CENPK: variants seen among roughly 807,000 people sequenced by gnomAD.
The protein encoded by CENPK is SoxLZ/Sox6-binding protein Solt.
In CENPK, 46 loss-of-function variants were observed where a neutral mutation model predicts 40.9. That is an observed-to-expected ratio of 1.13 (90% CI 0.89 to 1.44). The LOEUF (loss-of-function observed/expected upper bound fraction) is 1.44, where lower values mean the gene tolerates loss of function less well. CENPK is among the 40% of genes most tolerant of loss of function. The pLI is 0.00. For synonymous variants in CENPK, 107 were observed against 104.4 expected, an observed-to-expected ratio of 1.02 and a Z score of -0.15; for missense variants, 288 against 303.5, an observed-to-expected ratio of 0.95 and a Z score of 0.38.
In CENPK at chr5:65,551,586, TTGAC is replaced by T. The variant is rs762598205; in HGVS notation, c.215_218del (p.Ser72AsnfsTer12). On this transcript the variant is annotated frameshift_variant, in exon 5 of 11. Transcript: ENST00000396679. LOFTEE classifies it high-confidence loss of function. The stretch of plus-strand genomic sequence containing the variant: ...TACTTTCAGGTGTTTTTTTCTGCCA[TTGAC>T]TGAGTTCAGCGGTTAAACATTTTAC... The T allele has an allele frequency of 2.1e-5, 33 of 1,573,308 alleles. No homozygotes were observed. The South Asian group carries it at 3.1e-4, about 15-fold the overall frequency.
At chr5:65,519,439 T>G (rs1369323818) in intron 10 of CENPK, among the ~76,000 whole-genome samples, 1 of 152,210 alleles carries the variant, frequency 6.6e-6, no homozygotes, top group African/African-American at 2.4e-5. Context: ...TTATTTTGCC[T>G]CCTCAGCTAT....
At chr5:65,532,548 T>G (rs1040129566) in intron 6 of CENPK, among the ~76,000 whole-genome samples, 5 of 152,082 alleles carry the variant, frequency 3.3e-5, no homozygotes, top group Non-Finnish European at 7.4e-5. Context: ...AAGATTAATA[T>G]AGTATGGCAA....
At chr5:65,508,289 A>G in the CENPK span, among the ~76,000 whole-genome samples, 1 of 152,206 alleles carries the variant, frequency 6.6e-6, no homozygotes, top group Non-Finnish European at 1.5e-5. Context: ...GTATTTGCCT[A>G]AAGACAACTT....
At chr5:65,525,514 G>A (rs937522732) in intron 9 of CENPK, among the ~76,000 whole-genome samples, 3 of 152,056 alleles carry the variant, frequency 2.0e-5, no homozygotes, top group South Asian at 4.1e-4. Context: ...AACATTAATT[G>A]TGATGTTCAC....
chr5:65,518,211 G>C lies in CENPK; in HGVS notation c.*264C>G, dbSNP rs1030344060. 9.8e-6 allele frequency: 3 copies of C among 305,214 alleles called. No individual in the cohort carries two copies. The highest frequency in any genetic ancestry group is 5.1e-5 in the Admixed American group (1 of 19,606). The allele number at this position is 305,214 out of a possible 1,614,324, so 18.9% of individuals were successfully genotyped here. On this transcript the variant is annotated 3_prime_UTR_variant, in exon 11 of 11. Transcript: ENST00000396679. ...AAAGAATCCAAAGAATATTGCATGA[G>C]GTAAGGTACATTAAATGTTTTATGC...
At chr5:65,554,071 T>C (rs1052140676) in intron 3 of CENPK, among the ~76,000 whole-genome samples, 6 of 152,232 alleles carry the variant, frequency 3.9e-5, no homozygotes, top group African/African-American at 1.4e-4. Context: ...TTTTCTTCTT[T>C]ATGCTTTGTA....
chr5:65,528,969 A>C lies in CENPK; in HGVS notation c.420T>G (p.Asn140Lys). The C allele has an allele frequency of 6.2e-7, 1 of 1,610,704 alleles. No individual in the cohort carries two copies. Residue 140 changes from asparagine (N) to lysine (K), a missense_variant, in exon 8 of 11, where the codon AAT becomes AAG. Physicochemically the swap from Asn to Lys is moderately conservative, Grantham distance 94 (BLOSUM62 0). Transcript: ENST00000396679. ...TATTTTTCAATTCACTGTGTAGTACATTAAGAGATTCCATTATCTGTTGCT... is the reference window on the plus strand; with the variant it reads ...TATTTTTCAATTCACTGTGTAGTACCTTAAGAGATTCCATTATCTGTTGCT... ...DEQQQIMESL[N>K]VLHSELKNKV...
At chr5:65,539,335 A>G (rs867345483) in intron 6 of CENPK, among the ~76,000 whole-genome samples, 1 of 152,236 alleles carries the variant, frequency 6.6e-6, no homozygotes, top group South Asian at 2.1e-4. Context: ...AATTCACAGT[A>G]CAATAGATTT....
the CENPK span, among the ~76,000 whole-genome samples, chr5:65,507,118 C>T: frequency 2.0e-5 from 3 of 152,190 alleles, no homozygotes; most frequent in Non-Finnish European, 1.5e-5. Context: ...CCATACTAAA[C>T]ATGCCAGATT....
Position 65,529,180 on chromosome 5 carries a change from T to G in CENPK, c.308A>C (p.Asp103Ala). 1 of 1,608,170 alleles carries G rather than the reference T, an allele frequency of 6.2e-7. No individual in the cohort carries two copies. The highest frequency in any genetic ancestry group is 2.2e-5 in the East Asian group (1 of 44,746). ...CTTAGTGGACAGTACCATTTCAAGA[T>G]CTTGTCTCAGCTTTTGGAACTAGAA... ...GKEEFQKLRQ[D>A]LEMVLSTKES... is the part of the protein sequence containing the mutation. Residue 103 changes from aspartate (D) to alanine (A), a missense_variant, in exon 7 of 11, where the codon GAT (aspartate) becomes GCT (alanine). Coordinates refer to ENST00000396679, the MANE Select transcript of CENPK (RefSeq NM_022145.5).
chr5:65,498,631 T>C, the CENPK span, among the ~76,000 whole-genome samples: 2 of 136,612 alleles, frequency 1.5e-5, no homozygotes, highest in Non-Finnish European at 3.1e-5. Context: ...CTTTTTCTTT[T>C]TTCTTTTTTT....
At chr5:65,541,998 C>G (rs1748064146) in intron 6 of CENPK, among the ~76,000 whole-genome samples, 1 of 152,156 alleles carries the variant, frequency 6.6e-6, no homozygotes. Context: ...CAGACAGTAC[C>G]TTCTAGTTGT....
At chr5:65,558,888 T>C (rs386130) in intron 2 of CENPK, among the ~76,000 whole-genome samples, 89,625 of 151,486 alleles carry the variant, frequency 0.59, 26,817 homozygotes, top group Non-Finnish European at 0.63. Flanking sequence ...ATTATGATAG[T>C]AGTACTGCAA....
chr5:65,552,466 A>AT, intron 4 of CENPK, 27 bp downstream of exon 4: 1 of 1,435,912 alleles, frequency 7.0e-7, no homozygotes, highest in Non-Finnish European at 9.4e-7. Flanking sequence ...CTTACCTTGT[A>AT]TTTTTTAGGA....
chr5:65,525,971 G>T (rs1744637077), intron 9 of CENPK, among the ~76,000 whole-genome samples: 1 of 152,084 alleles, frequency 6.6e-6, no homozygotes, highest in Non-Finnish European at 1.5e-5. Context: ...CACAGCCCAA[G>T]TAGACTAATA....
chr5:65,518,235 G>A lies in CENPK; in HGVS notation c.*240C>T. The A allele has an allele frequency of 2.6e-6, 1 of 390,788 alleles. No homozygotes were observed. Among genetic ancestry groups the A allele is most frequent in the South Asian group, 3.8e-5 (1 of 26,076 alleles). 24.2% of individuals were successfully genotyped at this position (390,788 alleles called of 1,614,324 possible). On this transcript the variant is annotated 3_prime_UTR_variant, in exon 11 of 11. Transcript: ENST00000396679. ...AGGTAAGGTACATTAAATGTTTTAT[G>A]CCTAGAATATTATCTACCTGCATTC...
chr5:65,498,910 G>C, the CENPK span, among the ~76,000 whole-genome samples: 4,977 of 151,850 alleles, frequency 0.033, 142 homozygotes, highest in South Asian at 0.086. Context: ...TTGGGATTAC[G>C]GGTGTGAGTC....
chr5:65,545,300 A>C (rs919375689), intron 5 of CENPK, among the ~76,000 whole-genome samples: 22 of 150,218 alleles, frequency 1.5e-4, no homozygotes, highest in African/African-American at 5.4e-4. Flanking sequence ...AAGGCTGAAG[A>C]CAAAGAAAAA....
intron 6 of CENPK, among the ~76,000 whole-genome samples, chr5:65,530,895 G>A (rs752837799): frequency 2.4e-4 from 36 of 151,970 alleles, no homozygotes; most frequent in Admixed American, 7.2e-4. Flanking sequence ...GGGTAACAAG[G>A]CAAGACCCTG....
Sources: allele counts gnomAD v4.1 joint callset (sites outside exome capture counted in the v4.1 genomes callset), GRCh38; gene constraint gnomAD v4.1.1; transcripts MANE v1.5; gene names NCBI Gene and HGNC (gene_info 2026-07-23, HGNC 2026-07-21).